PKHD1: variants seen among roughly 807,000 people sequenced by gnomAD.
PKHD1 encodes fibrocystin.
Under a neutral mutation model 412.0 loss-of-function variants are expected in PKHD1, and 291 were observed. The observed-to-expected ratio is 0.71, with a 90% CI of 0.64 to 0.78. PKHD1 has a LOEUF of 0.78. Among genes scored for constraint, PKHD1 ranks in the 30% least tolerant of loss-of-function variants. The probability of loss-of-function intolerance (pLI) is 0.00; values close to 1 mark genes in which losing one functional copy is unlikely to be tolerated. For synonymous variants in PKHD1, 1,777 were observed against 1,821.5 expected (o/e 0.98, Z 0.62); for missense variants, 4,825 against 4,950.7 (o/e 0.97, Z 0.76).
chr6:51,894,578 G>T (rs1295588216), intron 43 of PKHD1, among the ~76,000 whole-genome samples: 1 of 152,218 alleles, frequency 6.6e-6, no homozygotes, highest in Non-Finnish European at 1.5e-5. Flanking sequence ...TCCCAGCTCT[G>T]CATCAGGGCA....
intron 35 of PKHD1, among the ~76,000 whole-genome samples, chr6:51,989,918 A>G (rs1444420771): frequency 5.7e-5 from 6 of 105,348 alleles, no homozygotes; most frequent in Admixed American, 9.8e-5. Flanking sequence ...GAAGGAAGGA[A>G]GGAAGGAAGG....
chr6:52,065,164 TATATAGAGAG>T (rs1261769236), intron 12 of PKHD1, 114 bp from the exon 13 acceptor site: 3 of 57,662 alleles, frequency 5.2e-5, no homozygotes, highest in Non-Finnish European at 5.7e-5. Context: ...TATATATATA[TATATAGAGAG>T]AGAGAGAGAG....
In PKHD1 at chr6:51,748,199, G is replaced by A; in HGVS notation, c.9417C>T (p.Asp3139=). 1 of 1,614,064 alleles carries A rather than the reference G, an allele frequency of 6.2e-7. No individual in the cohort carries two copies. Among genetic ancestry groups the A allele is most frequent in the Non-Finnish European group, 8.5e-7 (1 of 1,179,968 alleles). ...AGAAGCCAGAGATTCTGGTACAGTT[G>A]TCAAGTCCACTTTCCTTATAGAGAT... The part of the protein sequence containing the change: ...GLHLYKESGL[D]NCTRISGFLA... Residue 3139 remains aspartate (D), a synonymous_variant, in exon 58 of 67, where the codon GAC becomes GAT. Transcript: ENST00000371117.
chr6:51,981,676 A>G (rs1449348779), intron 35 of PKHD1, among the ~76,000 whole-genome samples: 1 of 132,772 alleles, frequency 7.5e-6, no homozygotes, highest in East Asian at 2.2e-4. Flanking sequence ...TACAGCCTCC[A>G]CCTCCCAGCC....
At chr6:51,766,363 T>G (rs973398705) in intron 55 of PKHD1, among the ~76,000 whole-genome samples, 1 of 152,124 alleles carries the variant, frequency 6.6e-6, no homozygotes, top group Non-Finnish European at 1.5e-5. Context: ...TATTTCTTTA[T>G]CTACAAAACT....
rs568638666 is a variant in PKHD1 at position 51,699,459 on chromosome 6, A to T, written c.10157-39490T>A. Among the ~76,000 whole-genome samples the T allele has an allele frequency of 8.5e-5, 13 of 152,190 alleles. No individual in the cohort carries two copies. In the South Asian group the frequency reaches 1.9e-3, roughly 22 times the overall value. ...ACACTAGTCCACAGTGTACTTATCC[A>T]CACTCTTGATGAAGGATATCTGGGT... On this transcript the variant is annotated intron_variant, in intron 60 of 66. Coordinates refer to ENST00000371117, the MANE Select transcript of PKHD1 (RefSeq NM_138694.4).
At chr6:51,816,742 T>C (rs1765521499) in intron 52 of PKHD1, among the ~76,000 whole-genome samples, 1 of 152,196 alleles carries the variant, frequency 6.6e-6, no homozygotes, top group African/African-American at 2.4e-5. Flanking sequence ...CTCATTCCTA[T>C]TTTCTGTATA....
intron 49 of PKHD1, among the ~76,000 whole-genome samples, chr6:51,851,369 G>A (rs1409383737): frequency 6.6e-6 from 1 of 152,034 alleles, no homozygotes; most frequent in Non-Finnish European, 1.5e-5. Flanking sequence ...TTTTTTCATT[G>A]TGTCTCTTCC....
chr6:51,734,671 G>A (rs546441356), intron 60 of PKHD1, among the ~76,000 whole-genome samples: 78 of 151,958 alleles, frequency 5.1e-4, no homozygotes, highest in African/African-American at 1.7e-3. Context: ...TCAAAAATCC[G>A]CTGATCAGAT....
At chr6:51,871,167 A>T in intron 46 of PKHD1, among the ~76,000 whole-genome samples, 1 of 152,118 alleles carries the variant, frequency 6.6e-6, no homozygotes, top group East Asian at 1.9e-4. Flanking sequence ...TAGCAATTCA[A>T]CTCCTAGGTA....
At position 51,757,850 on chromosome 6, in the gene PKHD1, G is replaced by GA. The variant is rs201738053; in HGVS notation, c.8643-2913dup. Among the ~76,000 whole-genome samples, 282 of 147,852 alleles carry GA rather than the reference G, an allele frequency of 1.9e-3. 1 individual carries two copies. The highest frequency in any genetic ancestry group is 5.6e-3 in the African/African-American group (225 of 40,380). On this transcript the variant is annotated intron_variant, in intron 55 of 66. Coordinates refer to ENST00000371117, the MANE Select transcript of PKHD1 (RefSeq NM_138694.4). Reference sequence around the variant, plus strand: ...GATCCCATCTCTACAAAAGTGAAAAGAAAAAAAAAATGTAGCCTAGCATGA... The same window carrying GA: ...GATCCCATCTCTACAAAAGTGAAAAGAAAAAAAAAAATGTAGCCTAGCATGA...
chr6:51,857,278 C>G (rs1773459985), intron 48 of PKHD1, among the ~76,000 whole-genome samples: 1 of 151,830 alleles, frequency 6.6e-6, no homozygotes, highest in Middle Eastern at 3.5e-3. Context: ...TCATGAGAAT[C>G]TTTAACTGTG....
At chr6:51,896,656 T>C (rs2127591218) in intron 43 of PKHD1, among the ~76,000 whole-genome samples, 1 of 152,306 alleles carries the variant, frequency 6.6e-6, no homozygotes, top group South Asian at 2.1e-4. Context: ...GGAACAAAGC[T>C]GGACGGAGAA....
chr6:51,920,310 T>C (rs1784489808), intron 37 of PKHD1, among the ~76,000 whole-genome samples: 1 of 152,252 alleles, frequency 6.6e-6, no homozygotes, highest in Non-Finnish European at 1.5e-5. Context: ...CGTCAATACC[T>C]AGTTTATTCA....
intron 52 of PKHD1, among the ~76,000 whole-genome samples, chr6:51,804,774 C>T (rs1763511942): frequency 6.6e-6 from 1 of 152,060 alleles, no homozygotes; most frequent in Admixed American, 6.6e-5. Context: ...CGGGAAAGAG[C>T]TCCATACATC....
intron 52 of PKHD1, among the ~76,000 whole-genome samples, chr6:51,796,918 A>G (rs908969399): frequency 6.6e-6 from 1 of 151,314 alleles, no homozygotes; most frequent in Non-Finnish European, 1.5e-5. Context: ...ATTCAAATGG[A>G]TTCCCTTGCC....
chr6:51,803,658 A>T (rs780308578), intron 52 of PKHD1, among the ~76,000 whole-genome samples: 1 of 151,612 alleles, frequency 6.6e-6, no homozygotes, highest in Non-Finnish European at 1.5e-5. Flanking sequence ...ACTGTGATAT[A>T]TGCCAAAGAA....
intron 35 of PKHD1, among the ~76,000 whole-genome samples, chr6:51,980,299 C>A (rs550198335): frequency 6.6e-6 from 1 of 152,242 alleles, no homozygotes; most frequent in South Asian, 2.1e-4. Context: ...ACTCAAACTC[C>A]TGCCACCATG....
intron 60 of PKHD1, among the ~76,000 whole-genome samples, chr6:51,686,430 G>T (rs911440804): frequency 1.3e-5 from 2 of 152,074 alleles, no homozygotes; most frequent in Non-Finnish European, 2.9e-5. Context: ...CTCTGCCAAG[G>T]CAGATCTCTC....
Sources: allele counts gnomAD v4.1 joint callset (sites outside exome capture counted in the v4.1 genomes callset), GRCh38; gene constraint gnomAD v4.1.1; transcripts MANE v1.5; gene names NCBI Gene and HGNC (gene_info 2026-07-23, HGNC 2026-07-21).